The following KLHL24 variants were observed in gnomAD, a reference collection of about 807,000 sequenced individuals.
KLHL24 encodes kelch like family member 24.
In KLHL24, 29 loss-of-function variants were observed where a neutral mutation model predicts 53.4. That is an observed-to-expected ratio of 0.54 (90% CI 0.40 to 0.74). The LOEUF is 0.74. Among genes scored for constraint, KLHL24 ranks in the 30% least tolerant of loss-of-function variants. KLHL24 has a pLI of 0.00. For missense variants in KLHL24, 504 were observed against 744.0 expected (o/e 0.68, Z 3.75); for synonymous variants, 222 against 253.7 (o/e 0.88, Z 1.19).
chr3:183,668,892 G>C (rs1443116171), intron 5 of KLHL24, among the ~76,000 whole-genome samples: 1 of 151,568 alleles, frequency 6.6e-6, no homozygotes, highest in African/African-American at 2.4e-5. Flanking sequence ...GTGAGACTCT[G>C]TCAAAAAAAA....
intron 7 of KLHL24, among the ~76,000 whole-genome samples, chr3:183,675,451 T>C (rs1711668526): frequency 6.6e-6 from 1 of 152,084 alleles, no homozygotes; most frequent in South Asian, 2.1e-4. Flanking sequence ...AAATCACATT[T>C]CTCCAGCTCA....
Position 183,663,603 on chromosome 3 carries a change from T to A in KLHL24, c.1066T>A (p.Tyr356Asn). 1 of 1,601,868 alleles carries A rather than the reference T, an allele frequency of 6.2e-7. No individual in the cohort carries two copies. Among genetic ancestry groups the A allele is most frequent in the Non-Finnish European group, 8.5e-7 (1 of 1,173,546 alleles). ...GCTTCCAGAATTTACCAAATCAGAG[T>A]ATGCAGTCTGTGCTCTAAGGAATGA... ...AKLPEFTKSE[Y>N]AVCALRNDIL... Residue 356 changes from tyrosine to asparagine, a missense_variant, in exon 4 of 8, where the codon TAT becomes AAT. By Grantham distance (143) the Tyr-to-Asn change is moderately radical. Transcript: ENST00000242810. This position sits in a 1 kb window ranked among gnomAD's most constrained non-coding sequence, Gnocchi z 4.9.
intron 3 of KLHL24, among the ~76,000 whole-genome samples, chr3:183,658,263 T>A (rs1446667944): frequency 1.3e-5 from 2 of 152,096 alleles, no homozygotes; most frequent in Non-Finnish European, 2.9e-5. Flanking sequence ...GCCTCCCTAC[T>A]TCTTTTATGC....
At position 183,651,006 on chromosome 3, in the gene KLHL24, G is replaced by A; in HGVS notation, c.650G>A (p.Cys217Tyr). 8 of 1,614,214 alleles carry A rather than the reference G, an allele frequency of 5.0e-6. No homozygotes were observed. The highest frequency in any genetic ancestry group is 5.9e-6 in the Non-Finnish European group (7 of 1,180,028). Reference protein sequence around the residue: ...LDKDELIDYICSDELVIGKEE... With the variant: ...LDKDELIDYIYSDELVIGKEE... ...AAAGATGAACTTATTGATTATATTT[G>A]TAGTGATGAACTTGTTATTGGTAAA... Residue 217 changes from cysteine (C) to tyrosine (Y), a missense_variant, in exon 3 of 8, where the codon TGT becomes TAT. By Grantham distance (194) the Cys-to-Tyr change is radical. Transcript: ENST00000242810.
In KLHL24 at chr3:183,681,677, C is replaced by A. The variant is rs2108913565; in HGVS notation, c.*2391C>A. The A allele has an allele frequency of 6.6e-6, 1 of 151,380 alleles. No individual in the cohort carries two copies. Among genetic ancestry groups the A allele is most frequent in the Non-Finnish European group, 1.5e-5 (1 of 67,620 alleles). 9.4% of individuals were successfully genotyped at this position (151,380 alleles called of 1,614,324 possible). On this transcript the variant is annotated 3_prime_UTR_variant, in exon 8 of 8. Transcript: ENST00000242810. ...TTAAATAACTATTTTTAAAGTTACC[C>A]AACTTAATATTTTAATTTTTTAATA...
At chr3:183,651,945 C>CAAAA (rs58223453) in intron 3 of KLHL24, among the ~76,000 whole-genome samples, 8 of 142,734 alleles carry the variant, frequency 5.6e-5, no homozygotes, top group East Asian at 4.0e-4. Context: ...GACTCTGTCT[C>CAAAA]AAAAAAAAAA....
Position 183,650,302 on chromosome 3 carries a change from A to G in KLHL24, c.-55A>G, listed in dbSNP as rs1717950173. 6 of 1,405,748 alleles carry G rather than the reference A, an allele frequency of 4.3e-6. No individual in the cohort carries two copies. The highest frequency in any genetic ancestry group is 4.9e-6 in the Non-Finnish European group (5 of 1,025,582). The allele number at this position is 1,405,748 out of a possible 1,614,324, so 87.1% of individuals were successfully genotyped here. A position where few individuals can be genotyped will look rare whatever the true frequency, so the allele number is the denominator to read the frequency against. ...TTCCTTTTTTTACTTTTAGCCACAT[A>G]AAGAAGATCCCTAATAGTCATTTCT... On this transcript the variant is annotated 5_prime_UTR_variant, in exon 3 of 8. In the 5' UTR this introduces an upstream ATG that the reference lacks. Transcript: ENST00000242810. The surrounding 1 kb of genome is among the most constrained non-coding windows in gnomAD (Gnocchi z 4.5).
chr3:183,645,716 C>G (rs1001384842), intron 2 of KLHL24, among the ~76,000 whole-genome samples: 2 of 152,120 alleles, frequency 1.3e-5, no homozygotes, highest in Non-Finnish European at 2.9e-5. Flanking sequence ...TCAGGCAAGT[C>G]TGTTACCTAA....
chr3:183,639,332 T>C (rs1174195465), intron 1 of KLHL24, among the ~76,000 whole-genome samples: 1 of 152,050 alleles, frequency 6.6e-6, no homozygotes, highest in Non-Finnish European at 1.5e-5. Context: ...ATGTAAAATA[T>C]TAGATCTCAA....
intron 2 of KLHL24, among the ~76,000 whole-genome samples, chr3:183,647,999 C>A (rs564931613): frequency 1.3e-5 from 2 of 152,248 alleles, no homozygotes; most frequent in East Asian, 3.9e-4. Context: ...CACAAGGAGA[C>A]CCTGTCTCAA....
chr3:183,658,139 G>C (rs1719174614), intron 3 of KLHL24, among the ~76,000 whole-genome samples: 1 of 151,496 alleles, frequency 6.6e-6, no homozygotes, highest in Non-Finnish European at 1.5e-5. Context: ...CTTGAACCCA[G>C]GACTCAGAGG....
chr3:183,671,850 A>G (rs1417876605), intron 6 of KLHL24, among the ~76,000 whole-genome samples: 2 of 152,344 alleles, frequency 1.3e-5, no homozygotes, highest in Non-Finnish European at 2.9e-5. Context: ...TAATGTGATC[A>G]AATGTTACTT....
At chr3:183,676,212 C>T (rs1245277903) in intron 7 of KLHL24, among the ~76,000 whole-genome samples, 6 of 152,210 alleles carry the variant, frequency 3.9e-5, no homozygotes, top group African/African-American at 1.4e-4. Context: ...TCTCCTGCCT[C>T]AGTCTCCCAA....
rs1235321867 is a variant in KLHL24 at position 183,684,165 on chromosome 3, C to G, written c.*4879C>G. The G allele has an allele frequency of 1.3e-5, 2 of 152,098 alleles. No homozygotes were observed. Among genetic ancestry groups the G allele is most frequent in the Non-Finnish European group, 2.9e-5 (2 of 68,014 alleles). The allele number at this position is 152,098 out of a possible 1,614,324, so 9.4% of individuals were successfully genotyped here. A position where few individuals can be genotyped will look rare whatever the true frequency, so the allele number is the denominator to read the frequency against. ...TTACCTTTTTGAAAAAGCACTTACT[C>G]TCCCCTTCCCTATCACCCCTCCCCC... On this transcript the variant is annotated 3_prime_UTR_variant, in exon 8 of 8. Coordinates refer to ENST00000242810, the MANE Select transcript of KLHL24 (RefSeq NM_017644.3).
intron 7 of KLHL24, among the ~76,000 whole-genome samples, chr3:183,678,072 C>T (rs1462480536): frequency 6.6e-6 from 1 of 152,186 alleles, no homozygotes; most frequent in Non-Finnish European, 1.5e-5. Context: ...GGATTACAGG[C>T]ATGAGCCACC....
chr3:183,640,639 G>A (rs201085064), intron 1 of KLHL24, among the ~76,000 whole-genome samples: 2 of 138,840 alleles, frequency 1.4e-5, no homozygotes, highest in Admixed American at 7.8e-5. Flanking sequence ...TTGCTCTGTC[G>A]CCCAGGCTGG....
chr3:183,667,303 C>T (rs1006636103), intron 5 of KLHL24, among the ~76,000 whole-genome samples: 2 of 152,210 alleles, frequency 1.3e-5, no homozygotes, highest in Non-Finnish European at 2.9e-5. Flanking sequence ...GTAGTCCCAG[C>T]TACTCGGGAG....
intron 3 of KLHL24, among the ~76,000 whole-genome samples, chr3:183,656,882 G>A (rs143098146): frequency 0.012 from 1,744 of 144,386 alleles, 26 homozygotes; most frequent in Non-Finnish European, 0.02. Context: ...GCAATATAGC[G>A]AGACCCCGTT....
Position 183,650,855 on chromosome 3 carries a change from A to G in KLHL24, c.499A>G (p.Asn167Asp). 1 of 1,614,106 alleles carries G rather than the reference A, an allele frequency of 6.2e-7. No homozygotes were observed. The highest frequency in any genetic ancestry group is 8.5e-7 in the Non-Finnish European group (1 of 1,180,028). Residue 167 changes from asparagine (N) to aspartate (D), a missense_variant, in exon 3 of 8, where the codon AAT becomes GAT. Asn to Asp is a conservative substitution (Grantham distance 23, BLOSUM62 1). Transcript: ENST00000242810. The surrounding 1 kb of genome is among the most constrained non-coding windows in gnomAD (Gnocchi z 4.5). ...CTTGGAGGAGCAACTTGATCCTTGTAATTGCTTAGGAATCCAGCGCTTTGC... is the reference window on the plus strand; with the variant it reads ...CTTGGAGGAGCAACTTGATCCTTGTGATTGCTTAGGAATCCAGCGCTTTGC... ...KFLEEQLDPCNCLGIQRFADT... is the reference protein window; with the variant it reads ...KFLEEQLDPCDCLGIQRFADT...
Sources: allele counts gnomAD v4.1 joint callset (sites outside exome capture counted in the v4.1 genomes callset), GRCh38; gene constraint gnomAD v4.1.1; non-coding constraint Gnocchi (gnomAD v3.1); transcripts MANE v1.5; gene names NCBI Gene and HGNC (gene_info 2026-07-23, HGNC 2026-07-21).